The following WDR7 variants were observed in gnomAD, a reference collection of about 807,000 sequenced individuals.
The protein encoded by WDR7 is WD repeat-containing protein 7.
A neutral mutation model predicts 169.4 loss-of-function variants in WDR7; 46 were observed. That is an observed-to-expected ratio of 0.27 (90% CI 0.21 to 0.35). The LOEUF is 0.35. WDR7 is among the 10% of genes least tolerant of loss of function. WDR7 has a pLI of 1.00. For synonymous variants in WDR7, 612 were observed against 666.8 expected, an observed-to-expected ratio of 0.92 and a Z score of 1.27; for missense variants, 1,534 against 1,859.3, an observed-to-expected ratio of 0.83 and a Z score of 3.22.
intron 21 of WDR7, among the ~76,000 whole-genome samples, chr18:56,884,716 A>G (rs2046162477): frequency 6.6e-6 from 1 of 152,184 alleles, no homozygotes; most frequent in South Asian, 2.1e-4. Flanking sequence ...CTGCCCTGAT[A>G]GCAAAGACAA....
At chr18:56,703,318 T>C (rs2025873587) in intron 12 of WDR7, among the ~76,000 whole-genome samples, 1 of 152,240 alleles carries the variant, frequency 6.6e-6, no homozygotes, top group African/African-American at 2.4e-5. Flanking sequence ...CTTTTTAATA[T>C]ATCATACTAT....
intron 20 of WDR7, among the ~76,000 whole-genome samples, chr18:56,846,478 C>T (rs2045570130): frequency 6.6e-6 from 1 of 152,154 alleles, no homozygotes. Flanking sequence ...TCACTTGCTG[C>T]CACCATGTAA....
chr18:56,775,478 T>G (rs2044227987), intron 16 of WDR7, among the ~76,000 whole-genome samples: 1 of 152,152 alleles, frequency 6.6e-6, no homozygotes, highest in Non-Finnish European at 1.5e-5. Context: ...AAGATTACTT[T>G]GTAATGGAGT....
chr18:56,852,132 C>T (rs2045649352), intron 20 of WDR7, among the ~76,000 whole-genome samples: 1 of 152,196 alleles, frequency 6.6e-6, no homozygotes, highest in African/African-American at 2.4e-5. Flanking sequence ...CAACCCTGTT[C>T]CCACCCTGTA....
intron 21 of WDR7, among the ~76,000 whole-genome samples, chr18:56,883,333 A>C (rs1465764954): frequency 6.6e-6 from 1 of 151,916 alleles, no homozygotes; most frequent in East Asian, 1.9e-4. Context: ...GTTATGTAAG[A>C]GAGTACTGTT....
intron 25 of WDR7, among the ~76,000 whole-genome samples, chr18:56,947,994 T>A (rs1238435201): frequency 1.3e-5 from 2 of 152,188 alleles, no homozygotes. Context: ...TATTATGATC[T>A]TGAGGTCTGG....
intron 5 of WDR7, among the ~76,000 whole-genome samples, chr18:56,685,627 T>A (rs1256455218): frequency 6.6e-6 from 1 of 152,220 alleles, no homozygotes; most frequent in African/African-American, 2.4e-5. Context: ...TCATCCATGA[T>A]AAAGAATTAG....
intron 21 of WDR7, among the ~76,000 whole-genome samples, chr18:56,893,170 C>T (rs74613269): frequency 0.017 from 2,537 of 151,160 alleles, 62 homozygotes; most frequent in Admixed American, 0.047. Context: ...AATTTAATAA[C>T]GGGTCACATT....
intron 25 of WDR7, among the ~76,000 whole-genome samples, chr18:56,949,965 G>T (rs898603932): frequency 6.6e-6 from 1 of 152,142 alleles, no homozygotes; most frequent in Non-Finnish European, 1.5e-5. Context: ...TGAATTTATC[G>T]TTGGCAATAA....
intron 19 of WDR7, among the ~76,000 whole-genome samples, chr18:56,795,075 C>T (rs1204369107): frequency 6.6e-6 from 1 of 152,170 alleles, no homozygotes; most frequent in Admixed American, 6.5e-5. Context: ...AGAACAAAGA[C>T]TCGAAGTGAT....
chr18:56,901,120 C>CTAG (rs2046395331), intron 21 of WDR7, among the ~76,000 whole-genome samples: 1 of 152,178 alleles, frequency 6.6e-6, no homozygotes, highest in Admixed American at 6.5e-5. Context: ...TAATCATGGG[C>CTAG]TAGGCATGAT....
chr18:56,974,362 C>CTTTTTTTTTTTTT (rs34901751), intron 26 of WDR7, among the ~76,000 whole-genome samples: 11 of 111,816 alleles, frequency 9.8e-5, no homozygotes, highest in African/African-American at 3.8e-4. Context: ...GCTTTTCTTG[C>CTTTTTTTTTTTTT]TTTTTTTTTT....
intron 20 of WDR7, among the ~76,000 whole-genome samples, chr18:56,818,678 C>T (rs1197454789): frequency 6.6e-6 from 1 of 152,076 alleles, no homozygotes; most frequent in African/African-American, 2.4e-5. Context: ...TAGAAGAAAA[C>T]CATATTTCTT....
intron 21 of WDR7, among the ~76,000 whole-genome samples, chr18:56,893,317 A>G (rs1421204001): frequency 1.3e-5 from 2 of 152,066 alleles, no homozygotes; most frequent in African/African-American, 2.4e-5. Flanking sequence ...TAAGTGCATC[A>G]GGATCTCTGT....
At chr18:56,818,078 C>A (rs17090367) in intron 20 of WDR7, among the ~76,000 whole-genome samples, 23,550 of 152,078 alleles carry the variant, frequency 0.15, 2,626 homozygotes, top group African/African-American at 0.32. Flanking sequence ...GTGTTTGTTC[C>A]GTTTTCACTG....
intron 22 of WDR7, among the ~76,000 whole-genome samples, chr18:56,934,298 C>T (rs950681663): frequency 6.6e-6 from 1 of 152,088 alleles, no homozygotes; most frequent in Non-Finnish European, 1.5e-5. Context: ...TGCAGTTAGC[C>T]AAGTTTAATC....
chr18:56,854,668 C>T (rs559874225), intron 20 of WDR7, among the ~76,000 whole-genome samples: 28 of 152,128 alleles, frequency 1.8e-4, no homozygotes, highest in Non-Finnish European at 3.5e-4. Context: ...TTCTATGTAG[C>T]GTTTTTTCCT....
At chr18:56,662,559 G>C (rs1199971262) in intron 1 of WDR7, among the ~76,000 whole-genome samples, 1 of 152,210 alleles carries the variant, frequency 6.6e-6, no homozygotes, top group Non-Finnish European at 1.5e-5. Flanking sequence ...ATGTGATGTT[G>C]TGTGCTTCCT....
intron 12 of WDR7, among the ~76,000 whole-genome samples, chr18:56,709,253 A>G (rs1334369677): frequency 6.6e-6 from 1 of 152,202 alleles, no homozygotes; most frequent in African/African-American, 2.4e-5. Context: ...AGATTAAATT[A>G]AAGCAGAGGT....
Sources: allele counts gnomAD v4.1 joint callset (sites outside exome capture counted in the v4.1 genomes callset), GRCh38; gene constraint gnomAD v4.1.1; transcripts MANE v1.5; gene names NCBI Gene and HGNC (gene_info 2026-07-23, HGNC 2026-07-21).